EBF1: variants seen among roughly 807,000 people sequenced by gnomAD.
EBF1 encodes the protein EBF transcription factor 1.
Under a neutral mutation model 68.4 loss-of-function variants are expected in EBF1, and 10 were observed. The observed-to-expected ratio is 0.15, with a 90% CI of 0.09 to 0.25. The LOEUF is 0.25. Among genes scored for constraint, EBF1 ranks in the 10% least tolerant of loss-of-function variants. The pLI is 1.00. For missense variants in EBF1, 509 were observed against 794.4 expected (o/e 0.64, Z 4.32); for synonymous variants, 298 against 299.8 (o/e 0.99, Z 0.06).
chr5:158,795,726 T>G (rs560190745), intron 9 of EBF1, among the ~76,000 whole-genome samples: 39 of 152,224 alleles, frequency 2.6e-4, no homozygotes, highest in Middle Eastern at 6.8e-3. Flanking sequence ...AAAAGAACAA[T>G]CACAGTGCTT....
chr5:158,997,782 C>T (rs924997241), intron 6 of EBF1, among the ~76,000 whole-genome samples: 2 of 152,178 alleles, frequency 1.3e-5, no homozygotes, highest in East Asian at 1.9e-4. Flanking sequence ...CAGACACAGG[C>T]CTTTGCTAGC....
At position 158,706,017 on chromosome 5, in the gene EBF1, T is replaced by C. The variant is rs142354446; in HGVS notation, c.1744+1962A>G. 2.5e-4 allele frequency among the ~76,000 whole-genome samples: 38 copies of C among 152,338 alleles called. 1 individual carries two copies. The highest frequency in any genetic ancestry group is 7.7e-4 in the African/African-American group (32 of 41,568). On this transcript the variant is annotated intron_variant, in intron 15 of 15. Coordinates refer to ENST00000313708, the MANE Select transcript of EBF1 (RefSeq NM_024007.5). The stretch of plus-strand genomic sequence containing the variant: ...CATTATTTAAACCTATTATAAGTTA[T>C]ATTCGCTCAAGCATTATATCCCTAG...
intron 4 of EBF1, among the ~76,000 whole-genome samples, chr5:159,092,065 A>T (rs1302527703): frequency 3.9e-5 from 6 of 152,242 alleles, no homozygotes; most frequent in Non-Finnish European, 7.3e-5. Context: ...AACTCACTAT[A>T]GCAATCACAG....
intron 6 of EBF1, among the ~76,000 whole-genome samples, chr5:158,871,834 C>T (rs1013281505): frequency 6.6e-6 from 1 of 152,160 alleles, no homozygotes; most frequent in Non-Finnish European, 1.5e-5. Context: ...TCTCTTCCTA[C>T]AGCAATGCAC....
intron 1 of EBF1, among the ~76,000 whole-genome samples, chr5:159,098,814 A>T (rs913769321): frequency 4.6e-5 from 7 of 151,644 alleles, no homozygotes; most frequent in South Asian, 4.2e-4. Context: ...AAAGGAAAGA[A>T]GGAAGAAAGA....
intron 6 of EBF1, among the ~76,000 whole-genome samples, chr5:159,064,375 A>G (rs1382127816): frequency 2.0e-5 from 3 of 152,230 alleles, no homozygotes; most frequent in East Asian, 1.9e-4. Flanking sequence ...AGGGAAAAAA[A>G]TCAGTCTGGG....
intron 8 of EBF1, among the ~76,000 whole-genome samples, chr5:158,801,472 G>T (rs560826245): frequency 1.3e-5 from 2 of 151,994 alleles, no homozygotes; most frequent in Admixed American, 6.6e-5. Context: ...CAAAGGCCAC[G>T]TGCTGGGGGA....
intron 10 of EBF1, among the ~76,000 whole-genome samples, chr5:158,742,568 C>T (rs148982843): frequency 2.8e-4 from 42 of 152,182 alleles, no homozygotes; most frequent in African/African-American, 8.4e-4. Context: ...TTACATATTC[C>T]CCACTCTCAA....
At chr5:158,868,114 T>C (rs1050517044) in intron 6 of EBF1, among the ~76,000 whole-genome samples, 1 of 151,868 alleles carries the variant, frequency 6.6e-6, no homozygotes, top group Non-Finnish European at 1.5e-5. Context: ...ACAAACAACA[T>C]AAAAAATGGC....
At chr5:159,083,283 C>T (rs1584495502) in intron 5 of EBF1, among the ~76,000 whole-genome samples, 1 of 152,142 alleles carries the variant, frequency 6.6e-6, no homozygotes, top group Non-Finnish European at 1.5e-5. Flanking sequence ...GAATTTTACT[C>T]ACAATTCTGA....
chr5:159,071,710 A>C (rs997162249), intron 6 of EBF1, among the ~76,000 whole-genome samples: 1 of 152,028 alleles, frequency 6.6e-6, no homozygotes, highest in Non-Finnish European at 1.5e-5. Context: ...CAAACGAAGA[A>C]CTTAAAAGCT....
chr5:158,764,148 G>A (rs1772126276), intron 10 of EBF1, among the ~76,000 whole-genome samples: 2 of 152,126 alleles, frequency 1.3e-5, no homozygotes, highest in Non-Finnish European at 1.5e-5. Context: ...TTAAGAAACT[G>A]GCAAGAATTT....
intron 10 of EBF1, among the ~76,000 whole-genome samples, chr5:158,767,968 C>T (rs1056344892): frequency 3.3e-5 from 5 of 152,004 alleles, no homozygotes; most frequent in Non-Finnish European, 5.9e-5. Flanking sequence ...TGGTGGGTCC[C>T]GGGAAGCAGG....
chr5:158,814,086 C>T (rs1382645294), intron 8 of EBF1, among the ~76,000 whole-genome samples: 1 of 152,140 alleles, frequency 6.6e-6, no homozygotes, highest in Non-Finnish European at 1.5e-5. Flanking sequence ...TGGCTCATAC[C>T]TGTAATGCCA....
At chr5:159,051,293 C>A in intron 6 of EBF1, among the ~76,000 whole-genome samples, 1 of 152,066 alleles carries the variant, frequency 6.6e-6, no homozygotes, top group East Asian at 2.0e-4. Context: ...GCATCCTTTT[C>A]CTGGTTCCCC....
chr5:158,997,307 C>A (rs1194531999), intron 6 of EBF1, among the ~76,000 whole-genome samples: 1 of 152,154 alleles, frequency 6.6e-6, no homozygotes, highest in Non-Finnish European at 1.5e-5. Context: ...AGAGGCCAGG[C>A]GGAGGACCCT....
At chr5:158,730,158 C>T (rs1763797455) in intron 11 of EBF1, among the ~76,000 whole-genome samples, 2 of 152,232 alleles carry the variant, frequency 1.3e-5, no homozygotes, top group Admixed American at 1.3e-4. Context: ...ATAGTTTTCA[C>T]TTGTGTAATA....
In EBF1 at chr5:158,952,298, G is replaced by T. The variant is rs140193320; in HGVS notation, c.555-112188C>A. ...GAAATCATTTGGACAAAAGTCAAGGGATTTACCACCCTGTCAATTGTTAAG... is the reference window on the plus strand; with the variant it reads ...GAAATCATTTGGACAAAAGTCAAGGTATTTACCACCCTGTCAATTGTTAAG... On this transcript the variant is annotated intron_variant, in intron 6 of 15. Transcript: ENST00000313708. Among the ~76,000 whole-genome samples, 189 of 152,224 alleles carry T rather than the reference G, an allele frequency of 1.2e-3. 1 individual carries two copies. The highest frequency in any genetic ancestry group is 1.9e-3 in the East Asian group (10 of 5,184).
At chr5:158,763,951 T>C (rs997692028) in intron 10 of EBF1, among the ~76,000 whole-genome samples, 4 of 152,270 alleles carry the variant, frequency 2.6e-5, no homozygotes, top group Non-Finnish European at 5.9e-5. Context: ...ACTCTAAAAC[T>C]CAAAATTACA....
Sources: gnomAD v4.1 joint callset for allele counts (sites outside exome capture counted in the v4.1 genomes callset) on GRCh38, gnomAD v4.1.1 for gene constraint, MANE v1.5 for transcripts, NCBI Gene and HGNC (gene_info 2026-07-23, HGNC 2026-07-21) for gene names.